Variants in TRAK2 observed in about 807,000 individuals in gnomAD.
The protein encoded by TRAK2 is trafficking kinesin-binding protein 2.
A neutral mutation model predicts 104.6 loss-of-function variants in TRAK2; 81 were observed. That is an observed-to-expected ratio of 0.77 (90% CI 0.65 to 0.93). TRAK2 has a LOEUF of 0.93. Among genes scored for constraint, TRAK2 ranks in the 40% least tolerant of loss-of-function variants. The pLI is 0.00. For missense variants in TRAK2, 1,002 were observed against 1,089.0 expected (o/e 0.92, Z 1.12); for synonymous variants, 406 against 394.4 (o/e 1.03, Z -0.35).
In TRAK2 at chr2:201,391,951, C is replaced by T. The variant is rs955476583; in HGVS notation, c.1113+958G>A. Among the ~76,000 whole-genome samples the T allele has an allele frequency of 2.6e-4, 40 of 152,278 alleles. 1 individual carries two copies. The highest frequency in any genetic ancestry group is 3.4e-3 in the Middle Eastern group (1 of 294). The stretch of plus-strand genomic sequence containing the variant: ...AGACAACTGGAAAAATTTGAATGGG[C>T]TCTGTGGATTAGATGATAATACTGC... On this transcript the variant is annotated intron_variant, in intron 10 of 15. Coordinates refer to ENST00000332624, the MANE Select transcript of TRAK2 (RefSeq NM_015049.3).
intron 2 of TRAK2, chr2:201,412,687 T>G (rs1300543977): frequency 3.3e-6 from 5 of 1,495,152 alleles, no homozygotes; most frequent in Non-Finnish European, 4.6e-6. Context: ...TTTAGGCTCT[T>G]GTTCAGAAGG....
chr2:201,406,712 A>T (rs1951597823), intron 3 of TRAK2, among the ~76,000 whole-genome samples: 2 of 152,136 alleles, frequency 1.3e-5, no homozygotes, highest in Non-Finnish European at 2.9e-5. Context: ...TGTGCACACA[A>T]CATTTTTTAC....
In TRAK2 at chr2:201,393,000, T is replaced by G; in HGVS notation, c.1022A>C (p.His341Pro). 6.2e-7 allele frequency: 1 copy of G among 1,613,852 alleles called. No homozygotes were observed. Among genetic ancestry groups the G allele is most frequent in the Non-Finnish European group, 8.5e-7 (1 of 1,179,840 alleles). Residue 341 changes from histidine (H) to proline (P), a missense_variant, in exon 10 of 16, where the codon CAT (histidine) becomes CCT (proline). His to Pro is a moderately conservative substitution (Grantham distance 77). Coordinates refer to ENST00000332624, the MANE Select transcript of TRAK2 (RefSeq NM_015049.3). The stretch of plus-strand genomic sequence containing the variant: ...TTCCTTTATTTCTTCTTGGGATTCA[T>G]GTAACATTCCTAGACACTCCATATT... ...DRNMECLGML[H>P]ESQEEIKELR...
intron 2 of TRAK2, among the ~76,000 whole-genome samples, chr2:201,417,282 C>T (rs1187702288): frequency 7.9e-6 from 1 of 126,078 alleles, no homozygotes. Flanking sequence ...GAAAAAAGTA[C>T]AAACCAATAA....
intron 12 of TRAK2, 96 bp from the exon 13 acceptor site, chr2:201,388,097 A>G: frequency 7.7e-7 from 1 of 1,292,870 alleles, no homozygotes; most frequent in Admixed American, 1.7e-5. Context: ...AGAGACTGAT[A>G]TTAAAAACAT....
chr2:201,395,676 A>G (rs1328845167), intron 7 of TRAK2, among the ~76,000 whole-genome samples: 1 of 152,192 alleles, frequency 6.6e-6, no homozygotes, highest in Non-Finnish European at 1.5e-5. Context: ...AAGAGAGACG[A>G]CTTATAAAGG....
Position 201,410,572 on chromosome 2 carries a change from C to T in TRAK2, c.92-2975G>A, listed in dbSNP as rs528291971. ...CCCAAAAAGATCTTTAAAATCATTG[C>T]TAGCTGAACTGCTATTGGTCATAGC... On this transcript the variant is annotated intron_variant, in intron 2 of 15. Coordinates refer to ENST00000332624, the MANE Select transcript of TRAK2 (RefSeq NM_015049.3). 6.5e-6 allele frequency: 8 copies of T among 1,229,694 alleles called. No homozygotes were observed. The African/African-American group carries it at 7.5e-5, about 11-fold the overall frequency. The allele number at this position is 1,229,694 out of a possible 1,614,324, so 76.2% of individuals were successfully genotyped here. A position where few individuals can be genotyped will look rare whatever the true frequency, so the allele number is the denominator to read the frequency against.
At chr2:201,407,309 T>A (rs11691865) in intron 3 of TRAK2, 94 bp downstream of exon 3, 684,446 of 1,059,204 alleles carry the variant, frequency 0.65, 225,802 homozygotes, top group South Asian at 0.69. Flanking sequence ...CACTGAACAA[T>A]GGCTACTAAA....
chr2:201,411,240 C>T (rs934470851), intron 2 of TRAK2: 2 of 724,252 alleles, frequency 2.8e-6, no homozygotes, highest in Non-Finnish European at 5.1e-6. Context: ...AGGCTGCTGG[C>T]CTTTCAACTT....
At chr2:201,385,057 A>G (rs1246830033) in intron 14 of TRAK2, among the ~76,000 whole-genome samples, 1 of 152,248 alleles carries the variant, frequency 6.6e-6, no homozygotes, top group Non-Finnish European at 1.5e-5. Context: ...GTCCTTCAAG[A>G]AAAACAGCTA....
chr2:201,411,447 A>C, intron 2 of TRAK2: 1 of 744,532 alleles, frequency 1.3e-6, no homozygotes, highest in East Asian at 2.5e-5. Context: ...AGAAACATTC[A>C]TTTGATTTCC....
chr2:201,427,077 A>T (rs1308462570), intron 1 of TRAK2, among the ~76,000 whole-genome samples: 1 of 152,154 alleles, frequency 6.6e-6, no homozygotes, highest in East Asian at 1.9e-4. Context: ...AAAATGACAA[A>T]TTCCTAGTTT....
chr2:201,422,328 A>G (rs1206664852), intron 1 of TRAK2, among the ~76,000 whole-genome samples: 1 of 152,344 alleles, frequency 6.6e-6, no homozygotes, highest in Middle Eastern at 3.4e-3. Context: ...AAGGAATACA[A>G]TGTACTAAAT....
Position 201,399,365 on chromosome 2 carries a change from T to C in TRAK2, c.480+12A>G. The C allele has an allele frequency of 6.4e-7, 1 of 1,572,382 alleles. No homozygotes were observed. Among genetic ancestry groups the C allele is most frequent in the Non-Finnish European group, 8.7e-7 (1 of 1,144,770 alleles). On this transcript the variant is annotated intron_variant, in intron 5 of 15. Coordinates refer to ENST00000332624, the MANE Select transcript of TRAK2 (RefSeq NM_015049.3). ...ATTATTTCATACTGCAGACATTTGA[T>C]CAAAGGCTTACTTGATCAAAGGCTT...
At chr2:201,388,407 G>A (rs546315246) in intron 12 of TRAK2, among the ~76,000 whole-genome samples, 8 of 151,706 alleles carry the variant, frequency 5.3e-5, no homozygotes, top group Admixed American at 2.6e-4. Context: ...AAAACGCTAC[G>A]GATTAAACTA....
Position 201,378,947 on chromosome 2 carries a change from T to C in TRAK2, c.*1596A>G, listed in dbSNP as rs1408117574. ...CTTGGCCTGGGAATAGGTGTGCCTA[T>C]GGGAACCATAGGAGCAAGAGTCAAG... On this transcript the variant is annotated 3_prime_UTR_variant, in exon 16 of 16. Transcript: ENST00000332624. 3.9e-5 allele frequency: 6 copies of C among 152,266 alleles called. No homozygotes were observed. Among genetic ancestry groups the C allele is most frequent in the Non-Finnish European group, 8.8e-5 (6 of 68,016 alleles). 9.4% of individuals were successfully genotyped at this position (152,266 alleles called of 1,614,324 possible). A position where few individuals can be genotyped will look rare whatever the true frequency, so the allele number is the denominator to read the frequency against.
intron 1 of TRAK2, chr2:201,423,444 G>A (rs1425836083): frequency 6.6e-6 from 1 of 152,142 alleles, no homozygotes; most frequent in Non-Finnish European, 1.5e-5. Flanking sequence ...AGGGAGAGGG[G>A]AGAATAGGGA....
intron 1 of TRAK2, among the ~76,000 whole-genome samples, chr2:201,434,512 T>C (rs56722659): frequency 0.063 from 9,632 of 152,086 alleles, 639 homozygotes; most frequent in East Asian, 0.26. Context: ...TGGAGTATAC[T>C]TTGTCCCTAT....
rs1245584641 is a variant in TRAK2, at chr2:201,386,261, C to T, written c.1920G>A (p.Gly640=). The part of the protein sequence containing the change: ...EKLSTSKPVT[G]IFLPPITSAG... ...CTGAAGTAATGGGTGGCAGGAAGATCCCTGTTACTGGCTTGGATGTTGAAA... is the reference window on the plus strand; with the variant it reads ...CTGAAGTAATGGGTGGCAGGAAGATTCCTGTTACTGGCTTGGATGTTGAAA... The change falls in exon 14 of 16, where the codon GGG becomes GGA. Residue 640 remains glycine (G), a synonymous_variant. Coordinates refer to ENST00000332624, the MANE Select transcript of TRAK2 (RefSeq NM_015049.3). The T allele has an allele frequency of 3.1e-6, 5 of 1,614,160 alleles. No individual in the cohort carries two copies. In the South Asian group the frequency reaches 5.5e-5, roughly 18 times the overall value.
Sources: gnomAD v4.1 joint callset for allele counts (sites outside exome capture counted in the v4.1 genomes callset) on GRCh38, gnomAD v4.1.1 for gene constraint, MANE v1.5 for transcripts, NCBI Gene and HGNC (gene_info 2026-07-23, HGNC 2026-07-21) for gene names.